The following NIBAN2 variants were observed in gnomAD, a reference collection of about 807,000 sequenced individuals.
NIBAN2 encodes niban apoptosis regulator 2.
Under a neutral mutation model 81.8 loss-of-function variants are expected in NIBAN2, and 36 were observed. The ratio of observed to expected loss-of-function variants is 0.44; its 90% CI spans 0.34 to 0.58. The LOEUF (loss-of-function observed/expected upper bound fraction) is 0.58, where lower values mean the gene tolerates loss of function less well. NIBAN2 is among the 20% of genes least tolerant of loss of function. The pLI is 0.02. For missense variants in NIBAN2, 897 were observed against 1,014.1 expected, an observed-to-expected ratio of 0.88 and a Z score of 1.57; for synonymous variants, 445 against 441.6, an observed-to-expected ratio of 1.01 and a Z score of -0.10.
At chr9:127,524,712 T>C (rs1377628138) in intron 4 of NIBAN2, 1 of 203,426 alleles carries the variant, frequency 4.9e-6, no homozygotes, top group Non-Finnish European at 1.0e-5. Flanking sequence ...TCCCCTGCCC[T>C]CTAGTTCCCA....
chr9:127,516,824 G>A (rs146826284), intron 8 of NIBAN2, 33 bp downstream of exon 8: 15 of 1,593,992 alleles, frequency 9.4e-6, no homozygotes, highest in Non-Finnish European at 1.3e-5. Flanking sequence ...TTGGCCCCTG[G>A]AGGGCCCGTC....
At chr9:127,534,916 C>T (rs1037043996) in intron 1 of NIBAN2, among the ~76,000 whole-genome samples, 4 of 152,176 alleles carry the variant, frequency 2.6e-5, no homozygotes, top group South Asian at 2.1e-4. Context: ...TGGTTGTCAT[C>T]GTCATGGCCA....
At chr9:127,523,961 G>C in intron 4 of NIBAN2, 115 bp from the exon 5 acceptor site, 4 of 1,187,832 alleles carry the variant, frequency 3.4e-6, no homozygotes, top group Non-Finnish European at 1.2e-6. Context: ...CCCAGAGAAG[G>C]CCAGCCTGTC....
upstream of NIBAN2, among the ~76,000 whole-genome samples, chr9:127,571,216 C>CCCCTGGCCCAGGGAAGGGTTCCT (rs1554770616): frequency 0.015 from 2,276 of 150,992 alleles, 55 homozygotes; most frequent in African/African-American, 0.052. Flanking sequence ...CCATGTGAGG[C>CCCCTGGCCCAGGGAAGGGTTCCT]CCCTGGCCCA....
Position 127,525,709 on chromosome 9 carries a change from C to G in NIBAN2, c.316-546G>C, listed in dbSNP as rs2132178704. ...TACATACCAGGCCCTGTGCTAAGGG[C>G]ATTGCATGCTTAATTTCACAGAATT... On this transcript the variant is annotated intron_variant, in intron 3 of 13. Coordinates refer to ENST00000373312, the MANE Select transcript of NIBAN2 (RefSeq NM_022833.4). Among the ~76,000 whole-genome samples, 3 of 152,304 alleles carry G rather than the reference C, an allele frequency of 2.0e-5. No individual in the cohort carries two copies. In the Middle Eastern group the frequency reaches 0.01, roughly 518 times the overall value.
rs147010744 is a variant in NIBAN2 at position 127,545,360 on chromosome 9, C to G, written c.56-13582G>C. Among the ~76,000 whole-genome samples, 2,706 of 152,304 alleles carry G rather than the reference C, an allele frequency of 0.018. 34 individuals are homozygous for G. The highest frequency in any genetic ancestry group is 0.044 in the South Asian group (211 of 4,822). ...CAGTTAATGCCTCATCTGAGACGCT[C>G]CCCGGACTGAGACTGCTCTCCGCTG... On this transcript the variant is annotated intron_variant, in intron 1 of 13. Transcript: ENST00000373312. This position sits in a 1 kb window ranked among gnomAD's most constrained non-coding sequence, Gnocchi z 4.7.
intron 1 of NIBAN2, among the ~76,000 whole-genome samples, chr9:127,544,531 C>T (rs1423821707): frequency 2.7e-5 from 4 of 150,938 alleles, no homozygotes; most frequent in African/African-American, 9.8e-5. Flanking sequence ...GAGATGGAGT[C>T]CCCACTCTGT....
chr9:127,510,499 C>T (rs564931259), intron 8 of NIBAN2, among the ~76,000 whole-genome samples, 166 bp from the exon 9 acceptor site: 146 of 151,856 alleles, frequency 9.6e-4, no homozygotes, highest in Middle Eastern at 3.4e-3. Context: ...TGCAGTGGCG[C>T]GATCTCAGCT....
intron 1 of NIBAN2, among the ~76,000 whole-genome samples, chr9:127,554,548 C>CTTTCTTTTTTTT (rs1837632346): frequency 4.8e-5 from 5 of 103,704 alleles, no homozygotes; most frequent in African/African-American, 1.1e-4. Context: ...TTTTCTTTTT[C>CTTTCTTTTTTTT]TTTTTTTTTT....
intron 1 of NIBAN2, among the ~76,000 whole-genome samples, chr9:127,558,313 G>A (rs909845636): frequency 3.9e-5 from 6 of 152,054 alleles, no homozygotes; most frequent in South Asian, 2.1e-4. Context: ...ATCCCTTGCC[G>A]TCTGGGGCCC....
At chr9:127,510,381 T>C (rs963583306) in intron 8 of NIBAN2, 48 bp from the exon 9 acceptor site, 3 of 1,428,534 alleles carry the variant, frequency 2.1e-6, no homozygotes, top group Admixed American at 2.2e-5. Context: ...AAGGAGCACC[T>C]CCCAGCCATC....
chr9:127,510,172 C>T lies in NIBAN2; in HGVS notation c.1135G>A (p.Glu379Lys), dbSNP rs1232824519. 1.2e-5 allele frequency: 19 copies of T among 1,613,204 alleles called. No homozygotes were observed. The highest frequency in any genetic ancestry group is 1.1e-4 in the South Asian group (10 of 90,966). The change falls in exon 9 of 14, where the codon GAG (glutamate) becomes AAG (lysine). Residue 379 changes from glutamate (E) to lysine (K), a missense_variant. Glu to Lys is a moderately conservative substitution (Grantham distance 56). Around this residue, in one of 3 missense-constraint regions of NIBAN2, gnomAD observed 619 missense variants for 691.0 expected, o/e 0.90. Transcript: ENST00000373312. ...TCGCCCAGCTTGTCAATGCCGCCCTCGTTGATGACGTTCAGGTTCATGTCC... is the reference window on the plus strand; with the variant it reads ...TCGCCCAGCTTGTCAATGCCGCCCTTGTTGATGACGTTCAGGTTCATGTCC... ...VTDMNLNVIN[E>K]GGIDKLGEYM...
At chr9:127,567,526 A>G (rs935899901) in intron 1 of NIBAN2, among the ~76,000 whole-genome samples, 10 of 152,194 alleles carry the variant, frequency 6.6e-5, no homozygotes, top group Non-Finnish European at 1.3e-4. Flanking sequence ...GCCCGGGACC[A>G]CAGTCACTTG....
intron 1 of NIBAN2, chr9:127,561,050 G>A: frequency 1.1e-6 from 1 of 888,402 alleles, no homozygotes; most frequent in Non-Finnish European, 1.3e-6. Context: ...ACATGGGTGG[G>A]CAAGGAGGGA....
chr9:127,555,046 A>G (rs1837642996), intron 1 of NIBAN2, among the ~76,000 whole-genome samples: 1 of 152,204 alleles, frequency 6.6e-6, no homozygotes, highest in Admixed American at 6.5e-5. Context: ...TTCTTTCCTT[A>G]TTTTGTTCTA....
At position 127,545,019 on chromosome 9, in the gene NIBAN2, C is replaced by T. The variant is rs1837444727; in HGVS notation, c.56-13241G>A. On this transcript the variant is annotated intron_variant, in intron 1 of 13. Transcript: ENST00000373312. This position sits in a 1 kb window ranked among gnomAD's most constrained non-coding sequence, Gnocchi z 4.7. Reference sequence around the variant, plus strand: ...CATTGCCCTGTTAGTGTCCCAGCTCCTCTGAGACCATCTTGGGGAGAAACA... The same window carrying T: ...CATTGCCCTGTTAGTGTCCCAGCTCTTCTGAGACCATCTTGGGGAGAAACA... Among the ~76,000 whole-genome samples, 1 of 152,224 alleles carries T rather than the reference C, an allele frequency of 6.6e-6. No homozygotes were observed. Among genetic ancestry groups the T allele is most frequent in the Non-Finnish European group, 1.5e-5 (1 of 68,042 alleles).
intron 1 of NIBAN2, among the ~76,000 whole-genome samples, chr9:127,568,236 C>T (rs1247989688): frequency 6.6e-6 from 1 of 152,188 alleles, no homozygotes; most frequent in Non-Finnish European, 1.5e-5. Flanking sequence ...AGCCTGCTGT[C>T]TGCGCCAAAG....
rs1837909756 is a variant in NIBAN2, at chr9:127,569,001, TCCCG to T, written c.-131_-128del. ...CCCCCGCTCCCGCCGCTCCCGCCGC[TCCCG>T]CCGCCCGGCTGCGGCTTCCGCTCCG... On this transcript the variant is annotated 5_prime_UTR_variant, in exon 1 of 14. Coordinates refer to ENST00000373312, the MANE Select transcript of NIBAN2 (RefSeq NM_022833.4). The T allele has an allele frequency of 7.5e-6, 3 of 400,408 alleles. No individual in the cohort carries two copies. The South Asian group carries it at 3.8e-4, about 51-fold the overall frequency. The allele number at this position is 400,408 out of a possible 1,614,324, so 24.8% of individuals were successfully genotyped here. A position where few individuals can be genotyped will look rare whatever the true frequency, so the allele number is the denominator to read the frequency against.
At chr9:127,561,170 C>T in intron 1 of NIBAN2, 1 of 985,546 alleles carries the variant, frequency 1.0e-6, no homozygotes, top group Non-Finnish European at 1.2e-6. Context: ...ACAGCCCCAT[C>T]CCACCGTCCT....
Sources: gnomAD v4.1 joint callset for allele counts (sites outside exome capture counted in the v4.1 genomes callset) on GRCh38, gnomAD v4.1.1 for gene constraint, gnomAD v4.1.1 regional missense constraint, Gnocchi (gnomAD v3.1) non-coding constraint, MANE v1.5 for transcripts, NCBI Gene and HGNC (gene_info 2026-07-23, HGNC 2026-07-21) for gene names.